FBXL7: variants seen among roughly 807,000 people sequenced by gnomAD.
The protein encoded by FBXL7 is F-box and leucine rich repeat protein 7.
Under a neutral mutation model 38.3 loss-of-function variants are expected in FBXL7, and 12 were observed. The observed-to-expected ratio is 0.31, with a 90% CI of 0.20 to 0.51. The LOEUF is 0.51. Ranked by LOEUF, FBXL7 falls within the 20% of genes least tolerant of loss-of-function variation. The probability of loss-of-function intolerance (pLI) is 0.98; values close to 1 mark genes in which losing one functional copy is unlikely to be tolerated. For synonymous variants in FBXL7, 297 were observed against 300.9 expected, an observed-to-expected ratio of 0.99 and a Z score of 0.13; for missense variants, 567 against 676.4, an observed-to-expected ratio of 0.84 and a Z score of 1.79.
intron 1 of FBXL7, among the ~76,000 whole-genome samples, chr5:15,519,856 T>A (rs2126372143): frequency 6.6e-6 from 1 of 152,284 alleles, no homozygotes; most frequent in Admixed American, 6.5e-5. Context: ...AAGAGAAGGT[T>A]CTTGGATCTC....
chr5:15,853,533 C>G (rs920570471), intron 2 of FBXL7, among the ~76,000 whole-genome samples: 5 of 152,028 alleles, frequency 3.3e-5, no homozygotes, highest in African/African-American at 9.7e-5. Flanking sequence ...TAATGAGACT[C>G]AATCCTGGAC....
rs183977041 is a variant in FBXL7, at chr5:15,701,270, A to G, written c.127+85198A>G. On this transcript the variant is annotated intron_variant, in intron 2 of 3. Coordinates refer to ENST00000504595, the MANE Select transcript of FBXL7 (RefSeq NM_012304.5). Reference sequence around the variant, plus strand: ...AAAGTTACGAAAAAGAAGCAAGAGAATCTAAGCCAAAATAACACTTCAAAT... The same window carrying G: ...AAAGTTACGAAAAAGAAGCAAGAGAGTCTAAGCCAAAATAACACTTCAAAT... Among the ~76,000 whole-genome samples the G allele has an allele frequency of 1.7e-3, 256 of 152,360 alleles. 2 individuals carry two copies. Among genetic ancestry groups the G allele is most frequent in the African/African-American group, 5.6e-3 (233 of 41,582 alleles).
chr5:15,560,955 A>G (rs888478866), intron 1 of FBXL7, among the ~76,000 whole-genome samples: 4 of 152,186 alleles, frequency 2.6e-5, no homozygotes, highest in African/African-American at 9.7e-5. Context: ...ATGTTTTATT[A>G]TATGTGTATA....
intron 2 of FBXL7, among the ~76,000 whole-genome samples, chr5:15,856,171 T>C (rs1455268172): frequency 6.6e-6 from 1 of 151,754 alleles, no homozygotes; most frequent in Non-Finnish European, 1.5e-5. Flanking sequence ...CAAGAGAAAA[T>C]GAAGAAGATG....
intron 2 of FBXL7, among the ~76,000 whole-genome samples, chr5:15,681,023 A>G (rs1409481901): frequency 6.6e-6 from 1 of 152,220 alleles, no homozygotes; most frequent in Non-Finnish European, 1.5e-5. Context: ...AAATATAATT[A>G]TTAAAAGACA....
chr5:15,512,090 A>C (rs1004245572), intron 1 of FBXL7, among the ~76,000 whole-genome samples: 1 of 152,114 alleles, frequency 6.6e-6, no homozygotes, highest in African/African-American at 2.4e-5. Flanking sequence ...AAAACTGGGG[A>C]CCCTCAGCAT....
intron 2 of FBXL7, among the ~76,000 whole-genome samples, chr5:15,922,969 T>A (rs557899949): frequency 6.6e-6 from 1 of 152,338 alleles, no homozygotes; most frequent in South Asian, 2.1e-4. Context: ...CATGAAAGTA[T>A]GTTCATACCT....
chr5:15,558,774 T>G (rs1738326086), intron 1 of FBXL7, among the ~76,000 whole-genome samples: 1 of 152,242 alleles, frequency 6.6e-6, no homozygotes, highest in Admixed American at 6.5e-5. Context: ...ATACTGAGGT[T>G]GCTTGTCTAT....
intron 2 of FBXL7, among the ~76,000 whole-genome samples, chr5:15,783,903 A>T (rs905945142): frequency 2.6e-5 from 4 of 152,216 alleles, no homozygotes; most frequent in Non-Finnish European, 5.9e-5. Flanking sequence ...CAGATCTCAC[A>T]GGAAACTTGC....
chr5:15,900,373 G>A (rs1741205872), intron 2 of FBXL7, among the ~76,000 whole-genome samples: 1 of 152,050 alleles, frequency 6.6e-6, no homozygotes, highest in Non-Finnish European at 1.5e-5. Context: ...CCAAAGAACT[G>A]CAAAGAAAGA....
At chr5:15,755,723 A>G (rs1736280261) in intron 2 of FBXL7, among the ~76,000 whole-genome samples, 1 of 152,236 alleles carries the variant, frequency 6.6e-6, no homozygotes, top group Non-Finnish European at 1.5e-5. Flanking sequence ...ACACCTAGAA[A>G]TAGCCAAACA....
chr5:15,554,609 C>T (rs894340032), intron 1 of FBXL7, among the ~76,000 whole-genome samples: 1 of 152,200 alleles, frequency 6.6e-6, no homozygotes, highest in Non-Finnish European at 1.5e-5. Flanking sequence ...AAGTGTCAGC[C>T]TTGCCTGAGA....
At chr5:15,922,585 G>A (rs186968760) in intron 2 of FBXL7, among the ~76,000 whole-genome samples, 1 of 152,228 alleles carries the variant, frequency 6.6e-6, no homozygotes, top group Admixed American at 6.5e-5. Context: ...TTAAGGACAC[G>A]CAAAGCAGAC....
chr5:15,934,151 T>C (rs1343868576), intron 3 of FBXL7, among the ~76,000 whole-genome samples: 1 of 152,118 alleles, frequency 6.6e-6, no homozygotes, highest in African/African-American at 2.4e-5. Context: ...ATTACAGGCA[T>C]GCACCACCAT....
intron 2 of FBXL7, among the ~76,000 whole-genome samples, chr5:15,703,325 A>C (rs1743586267): frequency 6.6e-6 from 1 of 152,232 alleles, no homozygotes; most frequent in Admixed American, 6.5e-5. Flanking sequence ...ATAATGTTAC[A>C]TGTTTCACCT....
intron 2 of FBXL7, among the ~76,000 whole-genome samples, chr5:15,884,904 A>C (rs1034772969): frequency 2.0e-5 from 3 of 152,222 alleles, no homozygotes; most frequent in African/African-American, 7.2e-5. Flanking sequence ...TTAAAAACCC[A>C]AAGTCTTCCA....
At chr5:15,770,938 G>A (rs1465784981) in intron 2 of FBXL7, among the ~76,000 whole-genome samples, 1 of 152,110 alleles carries the variant, frequency 6.6e-6, no homozygotes, top group Non-Finnish European at 1.5e-5. Flanking sequence ...ACCAAACTTG[G>A]GGTTATATCA....
intron 2 of FBXL7, among the ~76,000 whole-genome samples, chr5:15,620,429 A>C: frequency 7.6e-6 from 1 of 132,016 alleles, no homozygotes; most frequent in African/African-American, 3.2e-5. Flanking sequence ...TTTTTTTTTT[A>C]AGTAGAAACG....
intron 1 of FBXL7, among the ~76,000 whole-genome samples, chr5:15,526,270 G>T (rs916940048): frequency 6.6e-6 from 1 of 152,154 alleles, no homozygotes; most frequent in Non-Finnish European, 1.5e-5. Flanking sequence ...GGCAGGGTTG[G>T]TGGGCTGGCA....
Sources: gnomAD v4.1 joint callset for allele counts (sites outside exome capture counted in the v4.1 genomes callset) on GRCh38, gnomAD v4.1.1 for gene constraint, MANE v1.5 for transcripts, NCBI Gene and HGNC (gene_info 2026-07-23, HGNC 2026-07-21) for gene names.